TMEM74: variants seen among roughly 807,000 people sequenced by gnomAD.
The protein encoded by TMEM74 is transmembrane protein 74.
TMEM74 carries 13 observed loss-of-function variants against 18.1 expected under a neutral mutation model. The observed-to-expected ratio is 0.72, with a 90% confidence interval of 0.47 to 1.14. The LOEUF (loss-of-function observed/expected upper bound fraction) is 1.14. Ranked by LOEUF, TMEM74 falls within the 50% of genes most tolerant of loss-of-function variation. The probability of loss-of-function intolerance (pLI) is 0.00; values close to 1 mark genes in which losing one functional copy is unlikely to be tolerated. For synonymous variants in TMEM74, 159 were observed against 146.6 expected (o/e 1.08, Z -0.61); for missense variants, 372 against 375.9 (o/e 0.99, Z 0.09).
At chr8:108,662,035 G>A (rs1041328014) in intron 1 of TMEM74, among the ~76,000 whole-genome samples, 1 of 152,076 alleles carries the variant, frequency 6.6e-6, no homozygotes, top group African/African-American at 2.4e-5. Context: ...TCTTTTTACA[G>A]TGGGGTGAAA....
intron 2 of TMEM74, among the ~76,000 whole-genome samples, chr8:108,629,743 A>T (rs1474642996): frequency 1.3e-5 from 2 of 152,090 alleles, no homozygotes; most frequent in Non-Finnish European, 2.9e-5. Flanking sequence ...AAAGCTTTAT[A>T]AGCAAAGGAG....
At chr8:108,661,401 T>TTC (rs1812898750) in intron 1 of TMEM74, among the ~76,000 whole-genome samples, 1 of 147,072 alleles carries the variant, frequency 6.8e-6, no homozygotes, top group Non-Finnish European at 1.5e-5. Context: ...TTTTTTTTTT[T>TTC]CTATCTTTGC....
chr8:108,652,501 G>A (rs903469851), intron 2 of TMEM74: 2 of 426,326 alleles, frequency 4.7e-6, no homozygotes, highest in Non-Finnish European at 8.8e-6. Flanking sequence ...ATGCCAGGAG[G>A]GAGAGACCCT....
At chr8:108,727,765 A>C (rs1316820646) in intron 1 of TMEM74, among the ~76,000 whole-genome samples, 1 of 152,192 alleles carries the variant, frequency 6.6e-6, no homozygotes, top group East Asian at 1.9e-4. Flanking sequence ...GTGTCCATAG[A>C]AATAGAAATG....
rs138386088 is a variant in TMEM74 at position 108,625,377 on chromosome 8, T to A, written n.265-16551A>T. Among the ~76,000 whole-genome samples, 1,323 of 152,172 alleles carry A rather than the reference T, an allele frequency of 8.7e-3. 12 individuals carry two copies. Among genetic ancestry groups the A allele is most frequent in the Middle Eastern group, 0.058 (17 of 294 alleles). ...AATGTGATGAGGTAAACATTCTATA[T>A]AGTCATGCGATGAGATCACAGTTAA... On this transcript the variant is annotated intron_variant and non_coding_transcript_variant, in intron 2 of 3. Transcript: ENST00000518838.
intron 1 of TMEM74, among the ~76,000 whole-genome samples, chr8:108,747,456 A>G (rs1250090951): frequency 6.6e-6 from 1 of 152,138 alleles, no homozygotes; most frequent in Non-Finnish European, 1.5e-5. Flanking sequence ...GGGTAAGAGT[A>G]TCACAGAGAA....
intron 2 of TMEM74, among the ~76,000 whole-genome samples, chr8:108,640,149 G>A (rs1193898110): frequency 3.0e-5 from 4 of 133,804 alleles, no homozygotes; most frequent in East Asian, 2.1e-4. Context: ...TTGGTGAGAC[G>A]GAGTCCGGAG....
At chr8:108,652,700 C>T in intron 2 of TMEM74, 1 of 553,390 alleles carries the variant, frequency 1.8e-6, no homozygotes, top group Non-Finnish European at 3.4e-6. Context: ...CCTAACACAG[C>T]AAATATTTTC....
At chr8:108,769,244 C>G (rs902106645) in intron 1 of TMEM74, among the ~76,000 whole-genome samples, 2 of 151,762 alleles carry the variant, frequency 1.3e-5, no homozygotes, top group Non-Finnish European at 2.9e-5. Context: ...ACGAGAATTG[C>G]TTGAACTGGG....
At chr8:108,679,062 A>G (rs966268674) in intron 1 of TMEM74, among the ~76,000 whole-genome samples, 15 of 151,994 alleles carry the variant, frequency 9.9e-5, no homozygotes, top group Non-Finnish European at 1.6e-4. Context: ...CCATGTCCCT[A>G]CAAAGGACAT....
Position 108,785,141 on chromosome 8 carries a change from C to A in TMEM74, c.-39-4G>T. ...CCCCCAGCAGCTTCCGGAAAGTCTG[C>A]CAATAGCAACAGAGTTAGATAAGAA... On this transcript the variant is annotated splice_polypyrimidine_tract_variant and splice_region_variant and intron_variant, in intron 1 of 1. Transcript: ENST00000297459. 6.5e-7 allele frequency: 1 copy of A among 1,533,884 alleles called. No individual in the cohort carries two copies. The highest frequency in any genetic ancestry group is 8.7e-7 in the Non-Finnish European group (1 of 1,144,568).
At chr8:108,755,203 G>T (rs1250866062) in intron 1 of TMEM74, among the ~76,000 whole-genome samples, 1 of 152,044 alleles carries the variant, frequency 6.6e-6, no homozygotes, top group African/African-American at 2.4e-5. Context: ...CATCCCAAGG[G>T]ATTGAATTCT....
chr8:108,750,061 T>A (rs987440749), intron 1 of TMEM74, among the ~76,000 whole-genome samples: 2 of 152,108 alleles, frequency 1.3e-5, no homozygotes, highest in African/African-American at 4.8e-5. Context: ...TAACTCATGA[T>A]CCTTTTCAGC....
At chr8:108,752,043 TTGAATGAATGAATGAA>T (rs4034229) in intron 1 of TMEM74, among the ~76,000 whole-genome samples, 1 of 151,102 alleles carries the variant, frequency 6.6e-6, no homozygotes, top group South Asian at 2.1e-4. Context: ...ATTAATGTTG[TTGAATGAATGAATGAA>T]TGAATGAATG....
rs191429936 is a variant in TMEM74 at position 108,660,833 on chromosome 8, C to G, written n.120-5396G>C. On this transcript the variant is annotated intron_variant and non_coding_transcript_variant, in intron 1 of 3. Coordinates refer to the TMEM74 transcript ENST00000518838. The stretch of plus-strand genomic sequence containing the variant: ...AGAAGAGAACAGATTTTAACCGTTG[C>G]TTATTTTGTATATTTGTAGCTCCAG... Among the ~76,000 whole-genome samples the G allele has an allele frequency of 1.3e-3, 191 of 152,074 alleles. 1 individual carries two copies. Among genetic ancestry groups the G allele is most frequent in the African/African-American group, 4.5e-3 (187 of 41,506 alleles).
intron 2 of TMEM74, among the ~76,000 whole-genome samples, chr8:108,634,576 G>A (rs58775643): frequency 0.01 from 1,548 of 151,998 alleles, 21 homozygotes; most frequent in African/African-American, 0.035. Flanking sequence ...CTTTTCCTTT[G>A]TTCATGGATG....
rs1304598882 is a variant in TMEM74, at chr8:108,685,617, G to T, written n.120-30180C>A. 5.9e-5 allele frequency among the ~76,000 whole-genome samples: 9 copies of T among 152,110 alleles called. No individual in the cohort carries two copies. The East Asian group carries it at 1.7e-3, about 29-fold the overall frequency. On this transcript the variant is annotated intron_variant and non_coding_transcript_variant, in intron 1 of 3. Coordinates refer to the TMEM74 transcript ENST00000518838. ...AATTAAAGTCTTGATCAAAATAAGGGTGCCTAATTCTATCATGACAACTGG... is the reference window on the plus strand; with the variant it reads ...AATTAAAGTCTTGATCAAAATAAGGTTGCCTAATTCTATCATGACAACTGG...
At chr8:108,757,335 C>A (rs73311974) in intron 1 of TMEM74, among the ~76,000 whole-genome samples, 4,298 of 151,886 alleles carry the variant, frequency 0.028, 204 homozygotes, top group African/African-American at 0.095. Flanking sequence ...AAATATGTAA[C>A]CCTAGTTAAT....
At chr8:108,734,009 G>T (rs1813720853) in intron 1 of TMEM74, among the ~76,000 whole-genome samples, 1 of 152,190 alleles carries the variant, frequency 6.6e-6, no homozygotes, top group Non-Finnish European at 1.5e-5. Context: ...TGGATTAAGG[G>T]ATATCAAGAG....
Sources: allele counts gnomAD v4.1 joint callset (sites outside exome capture counted in the v4.1 genomes callset), GRCh38; gene constraint gnomAD v4.1.1; transcripts MANE v1.5; gene names NCBI Gene and HGNC (gene_info 2026-07-23, HGNC 2026-07-21).